Variants in KCNMB2 observed in about 807,000 individuals in gnomAD.
KCNMB2 encodes calcium-activated potassium channel subunit beta-2.
In KCNMB2, 9 loss-of-function variants were observed where a neutral mutation model predicts 24.5. That is an observed-to-expected ratio of 0.37 (90% CI 0.22 to 0.64). The LOEUF is 0.64. Among genes scored for constraint, KCNMB2 ranks in the 30% least tolerant of loss-of-function variants. KCNMB2 has a pLI of 0.63. For synonymous variants in KCNMB2, 109 were observed against 104.4 expected, an observed-to-expected ratio of 1.04 and a Z score of -0.27; for missense variants, 226 against 284.3, an observed-to-expected ratio of 0.79 and a Z score of 1.47.
chr3:178,682,844 T>C (rs1721315961), intron 1 of KCNMB2, among the ~76,000 whole-genome samples: 1 of 152,022 alleles, frequency 6.6e-6, no homozygotes, highest in African/African-American at 2.4e-5. Context: ...AAAATGGCTA[T>C]TACTAAAAAG....
At chr3:178,539,547 C>T (rs1477586223) in intron 1 of KCNMB2, among the ~76,000 whole-genome samples, 1 of 152,114 alleles carries the variant, frequency 6.6e-6, no homozygotes, top group Non-Finnish European at 1.5e-5. Context: ...TATGTCTTCA[C>T]CTCAAATTCC....
At chr3:178,679,042 T>C (rs1721172512) in intron 1 of KCNMB2, among the ~76,000 whole-genome samples, 1 of 132,934 alleles carries the variant, frequency 7.5e-6, no homozygotes, top group African/African-American at 3.2e-5. Flanking sequence ...GTTTGTTTGT[T>C]TTTTGTTTTG....
At chr3:178,674,498 A>C (rs539192459) in intron 1 of KCNMB2, among the ~76,000 whole-genome samples, 1 of 152,300 alleles carries the variant, frequency 6.6e-6, no homozygotes, top group South Asian at 2.1e-4. Flanking sequence ...CATCTAATCC[A>C]TCAGTACATT....
chr3:178,794,244 TC>T (rs1713443176), intron 1 of KCNMB2, among the ~76,000 whole-genome samples: 1 of 152,104 alleles, frequency 6.6e-6, no homozygotes, highest in Non-Finnish European at 1.5e-5. Flanking sequence ...AGCTTCGTGT[TC>T]CCCTATCCTA....
In KCNMB2 at chr3:178,794,247, C is replaced by G. The variant is rs567123205; in HGVS notation, c.-67-13096C>G. ...GGGTCATTCTGTAGCTTCGTGTTCC[C>G]CTATCCTAGCTAGTCTCATGGTGCT... On this transcript the variant is annotated intron_variant, in intron 1 of 4. Transcript: ENST00000452583. Among the ~76,000 whole-genome samples, 371 of 152,216 alleles carry G rather than the reference C, an allele frequency of 2.4e-3. 1 individual carries two copies. The highest frequency in any genetic ancestry group is 0.017 in the Middle Eastern group (5 of 294).
At chr3:178,730,495 A>G (rs1485853517) in intron 1 of KCNMB2, among the ~76,000 whole-genome samples, 1 of 143,150 alleles carries the variant, frequency 7.0e-6, no homozygotes, top group Non-Finnish European at 1.5e-5. Flanking sequence ...CTTTGTTTCC[A>G]CCCTTGCCCT....
chr3:178,585,509 T>C (rs1197685587), intron 1 of KCNMB2, among the ~76,000 whole-genome samples: 2 of 152,154 alleles, frequency 1.3e-5, no homozygotes, highest in Non-Finnish European at 2.9e-5. Context: ...CAAATTCTAA[T>C]AAAAGAAATT....
At chr3:178,757,440 G>GA (rs1724136804) in intron 1 of KCNMB2, among the ~76,000 whole-genome samples, 2 of 48,594 alleles carry the variant, frequency 4.1e-5, no homozygotes, top group Non-Finnish European at 7.2e-5. Context: ...ATATCCAAGA[G>GA]GATATATATA....
At chr3:178,792,875 T>C (rs953102187) in intron 1 of KCNMB2, among the ~76,000 whole-genome samples, 4 of 152,248 alleles carry the variant, frequency 2.6e-5, no homozygotes, top group African/African-American at 9.6e-5. Context: ...GCCCTCTCAA[T>C]AGTGCCTGCA....
At chr3:178,631,908 C>T (rs1305695846) in intron 1 of KCNMB2, among the ~76,000 whole-genome samples, 1 of 152,208 alleles carries the variant, frequency 6.6e-6, no homozygotes, top group African/African-American at 2.4e-5. Flanking sequence ...ATTCTAGCCA[C>T]AGCTTCACAT....
intron 1 of KCNMB2, among the ~76,000 whole-genome samples, chr3:178,543,193 A>G (rs1240565467): frequency 2.0e-5 from 3 of 152,146 alleles, no homozygotes; most frequent in African/African-American, 7.2e-5. Context: ...CCAGAAACCA[A>G]TTTTCCTGAA....
chr3:178,608,270 T>A (rs1718349515), intron 1 of KCNMB2, among the ~76,000 whole-genome samples: 1 of 152,234 alleles, frequency 6.6e-6, no homozygotes, highest in Non-Finnish European at 1.5e-5. Context: ...AGGCTGGCAA[T>A]AATCATTTAT....
chr3:178,594,672 T>A (rs1024971361), intron 1 of KCNMB2, among the ~76,000 whole-genome samples: 2 of 152,032 alleles, frequency 1.3e-5, no homozygotes, highest in African/African-American at 4.8e-5. Context: ...GATGTTTTAG[T>A]CTGGAATTCA....
At chr3:178,680,382 A>T (rs1479212504) in intron 1 of KCNMB2, among the ~76,000 whole-genome samples, 2 of 151,932 alleles carry the variant, frequency 1.3e-5, no homozygotes, top group African/African-American at 4.8e-5. Flanking sequence ...TACAACACCT[A>T]CCTGTGCTAT....
chr3:178,772,732 CAATA>C (rs1167926626), intron 1 of KCNMB2, among the ~76,000 whole-genome samples: 5 of 152,118 alleles, frequency 3.3e-5, no homozygotes, highest in Non-Finnish European at 5.9e-5. Context: ...AACAGGTGTT[CAATA>C]AATAATTGTT....
At chr3:178,840,374 A>T (rs1300126726) in intron 4 of KCNMB2, among the ~76,000 whole-genome samples, 4 of 152,114 alleles carry the variant, frequency 2.6e-5, no homozygotes, top group Admixed American at 2.6e-4. Flanking sequence ...CTGTCGGTGG[A>T]TCTATCCTTC....
intron 1 of KCNMB2, among the ~76,000 whole-genome samples, chr3:178,758,044 A>AGAG (rs1724233605): frequency 7.0e-4 from 5 of 7,170 alleles, no homozygotes; most frequent in South Asian, 9.1e-3. Context: ...ATATATATCT[A>AGAG]GATATATATA....
chr3:178,561,958 A>C (rs1359307562), intron 1 of KCNMB2, among the ~76,000 whole-genome samples: 3 of 152,222 alleles, frequency 2.0e-5, no homozygotes, highest in African/African-American at 7.2e-5. Context: ...CTTATTTAAA[A>C]TTCAGTTATC....
chr3:178,714,800 C>T (rs1281548882), intron 1 of KCNMB2, among the ~76,000 whole-genome samples: 1 of 149,134 alleles, frequency 6.7e-6, no homozygotes, highest in African/African-American at 2.4e-5. Context: ...AGCTTCTGCC[C>T]TTGAGGCTGG....
Sources: gnomAD v4.1 joint callset for allele counts (sites outside exome capture counted in the v4.1 genomes callset) on GRCh38, gnomAD v4.1.1 for gene constraint, MANE v1.5 for transcripts, NCBI Gene and HGNC (gene_info 2026-07-23, HGNC 2026-07-21) for gene names.